Variants in DNM3 observed in about 807,000 individuals in gnomAD.
DNM3 encodes dynamin 3, also known as dynamin-3.
DNM3 carries 47 observed loss-of-function variants against 101.6 expected under a neutral mutation model. The ratio of observed to expected loss-of-function variants is 0.46; its 90% CI spans 0.37 to 0.59. The LOEUF (loss-of-function observed/expected upper bound fraction) is 0.59, where lower values mean the gene tolerates loss of function less well. Ranked by LOEUF, DNM3 falls within the 20% of genes least tolerant of loss-of-function variation. The pLI is 0.00. For synonymous variants in DNM3, 385 were observed against 387.9 expected (o/e 0.99, Z 0.09); for missense variants, 849 against 1,085.7 (o/e 0.78, Z 3.06).
At chr1:172,010,750 CT>C (rs1322601734) in intron 4 of DNM3, among the ~76,000 whole-genome samples, 3 of 140,326 alleles carry the variant, frequency 2.1e-5, no homozygotes, top group Admixed American at 7.6e-5. Context: ...GCTTTAGAAT[CT>C]GTGAGTTTGT....
chr1:172,405,538 A>G (rs2070815064), intron 20 of DNM3, among the ~76,000 whole-genome samples: 1 of 152,078 alleles, frequency 6.6e-6, no homozygotes, highest in African/African-American at 2.4e-5. Context: ...AAGCTATCAC[A>G]TATTCATGAA....
intron 14 of DNM3, among the ~76,000 whole-genome samples, chr1:172,203,786 T>C (rs1264394899): frequency 6.6e-6 from 1 of 152,288 alleles, no homozygotes; most frequent in East Asian, 1.9e-4. Flanking sequence ...ATTTGTATAA[T>C]CACTCAGCAA....
intron 4 of DNM3, 38 bp downstream of exon 4, chr1:171,989,186 T>C (rs1201054399): frequency 1.3e-6 from 2 of 1,579,634 alleles, no homozygotes; most frequent in East Asian, 2.3e-5. Flanking sequence ...GGAATTAAAG[T>C]GTCAGGAGTT....
At chr1:172,288,154 G>A (rs1393640647) in intron 15 of DNM3, among the ~76,000 whole-genome samples, 9 of 152,186 alleles carry the variant, frequency 5.9e-5, no homozygotes, top group Non-Finnish European at 1.2e-4. Context: ...TAGTGAGAGA[G>A]GCTGATAACA....
intron 15 of DNM3, among the ~76,000 whole-genome samples, chr1:172,255,069 C>T (rs1167202001): frequency 2.6e-5 from 4 of 151,958 alleles, no homozygotes; most frequent in African/African-American, 9.7e-5. Flanking sequence ...TCCTACATTC[C>T]CAGTCAGTTG....
intron 6 of DNM3, 146 bp downstream of exon 6, chr1:172,033,411 T>G: frequency 1.1e-6 from 1 of 902,776 alleles, no homozygotes; most frequent in Non-Finnish European, 1.6e-6. Flanking sequence ...TGAATATTAG[T>G]ACCTCAGATT....
intron 14 of DNM3, chr1:172,139,512 A>C (rs1397880501): frequency 6.5e-6 from 1 of 152,712 alleles, no homozygotes; most frequent in Non-Finnish European, 1.5e-5. Context: ...GTGAAACAAC[A>C]GGAACCTATT....
intron 19 of DNM3, among the ~76,000 whole-genome samples, chr1:172,388,103 G>A (rs1251927672): frequency 2.0e-5 from 3 of 151,836 alleles, no homozygotes; most frequent in South Asian, 2.1e-4. Context: ...GGGTGGTGGC[G>A]CACACCTGTG....
intron 16 of DNM3, among the ~76,000 whole-genome samples, chr1:172,311,525 C>A (rs1312649557): frequency 2.6e-5 from 4 of 152,148 alleles, no homozygotes; most frequent in African/African-American, 9.7e-5. Context: ...ATTGCTTGAG[C>A]CTGGGAGGCC....
intron 8 of DNM3, 59 bp downstream of exon 8, chr1:172,042,203 A>G: frequency 4.1e-6 from 6 of 1,470,750 alleles, no homozygotes; most frequent in Non-Finnish European, 5.4e-6. Context: ...TCTGTTTTAT[A>G]CAACTTAATA....
chr1:172,097,869 A>G (rs1266625846), intron 13 of DNM3, among the ~76,000 whole-genome samples: 1 of 152,186 alleles, frequency 6.6e-6, no homozygotes, highest in African/African-American at 2.4e-5. Context: ...ACGTGTTGGC[A>G]GGTTCTGTGA....
chr1:171,952,292 C>G (rs1186644478), intron 2 of DNM3, among the ~76,000 whole-genome samples: 1 of 152,126 alleles, frequency 6.6e-6, no homozygotes, highest in Non-Finnish European at 1.5e-5. Context: ...AGGACCATGT[C>G]AAAATATGTC....
chr1:172,245,111 G>A (rs2061900845), intron 14 of DNM3, among the ~76,000 whole-genome samples: 1 of 152,134 alleles, frequency 6.6e-6, no homozygotes, highest in Non-Finnish European at 1.5e-5. Flanking sequence ...AGTGTTTGCT[G>A]AATGTCTATG....
chr1:172,368,508 C>A (rs1007582922), intron 17 of DNM3, among the ~76,000 whole-genome samples: 1 of 151,670 alleles, frequency 6.6e-6, no homozygotes, highest in Admixed American at 6.6e-5. Context: ...GCAATAAACA[C>A]CAACATCAAA....
chr1:172,062,720 C>T (rs919131808), intron 10 of DNM3, among the ~76,000 whole-genome samples: 1 of 152,154 alleles, frequency 6.6e-6, no homozygotes, highest in Non-Finnish European at 1.5e-5. Context: ...GTAGAACACC[C>T]CATAAGGAAC....
chr1:171,871,915 GAT>G (rs2035330478), intron 1 of DNM3, among the ~76,000 whole-genome samples: 1 of 144,646 alleles, frequency 6.9e-6, no homozygotes, highest in Non-Finnish European at 1.5e-5. Context: ...TCTCTAGAAA[GAT>G]AGATTCAGTG....
intron 1 of DNM3, among the ~76,000 whole-genome samples, chr1:171,848,071 C>T (rs558175104): frequency 6.6e-6 from 1 of 152,200 alleles, no homozygotes; most frequent in South Asian, 2.1e-4. Context: ...CAGAGATTTG[C>T]CCAAGGTCAG....
At chr1:171,966,490 A>G (rs7553192) in intron 2 of DNM3, among the ~76,000 whole-genome samples, 1,826 of 152,340 alleles carry the variant, frequency 0.012, 25 homozygotes, top group African/African-American at 0.042. Flanking sequence ...GACCACCAGG[A>G]TGGCTAAATA....
intron 15 of DNM3, among the ~76,000 whole-genome samples, chr1:172,273,214 CAG>C (rs1403843193): frequency 1.3e-5 from 2 of 151,982 alleles, no homozygotes; most frequent in Non-Finnish European, 2.9e-5. Context: ...TTCTAGGAGT[CAG>C]AGCACTAACT....
Sources: gnomAD v4.1 joint callset for allele counts (sites outside exome capture counted in the v4.1 genomes callset) on GRCh38, gnomAD v4.1.1 for gene constraint, MANE v1.5 for transcripts, NCBI Gene and HGNC (gene_info 2026-07-23, HGNC 2026-07-21) for gene names.